DHX9: variants seen among roughly 807,000 people sequenced by gnomAD.
DHX9 encodes the protein ATP-dependent RNA helicase A.
A neutral mutation model predicts 148.7 loss-of-function variants in DHX9; 27 were observed. The observed-to-expected ratio is 0.18, with a 90% CI of 0.13 to 0.25. The LOEUF (loss-of-function observed/expected upper bound fraction) is 0.25, where lower values mean the gene tolerates loss of function less well. Among genes scored for constraint, DHX9 ranks in the 10% least tolerant of loss-of-function variants. The pLI is 1.00. For synonymous variants in DHX9, 529 were observed against 516.6 expected (o/e 1.02, Z -0.33); for missense variants, 796 against 1,559.6 (o/e 0.51, Z 8.25).
At chr1:182,885,348 C>A (rs1054734875) in intron 27 of DHX9, among the ~76,000 whole-genome samples, 1 of 151,978 alleles carries the variant, frequency 6.6e-6, no homozygotes, top group African/African-American at 2.4e-5. Flanking sequence ...TTGATACTTA[C>A]CAAAAAGGCA....
intron 3 of DHX9, among the ~76,000 whole-genome samples, chr1:182,850,488 G>C (rs796211734): frequency 6.6e-6 from 1 of 151,802 alleles, no homozygotes; most frequent in Non-Finnish European, 1.5e-5. Flanking sequence ...CCATCTACTC[G>C]AGAGGCTGAA....
intron 3 of DHX9, among the ~76,000 whole-genome samples, chr1:182,846,232 A>T (rs1668026655): frequency 6.7e-6 from 1 of 149,550 alleles, no homozygotes. Context: ...TGAAGACCAG[A>T]TGTACTTTTT....
intron 20 of DHX9, 32 bp downstream of exon 20, chr1:182,878,205 T>C (rs367960063): frequency 1.2e-6 from 2 of 1,612,292 alleles, no homozygotes; most frequent in Non-Finnish European, 1.7e-6. Context: ...TAGTAAGGGA[T>C]TTTTGTTCTG....
intron 3 of DHX9, among the ~76,000 whole-genome samples, chr1:182,844,703 T>A (rs1667996188): frequency 6.6e-6 from 1 of 152,166 alleles, no homozygotes; most frequent in African/African-American, 2.4e-5. Context: ...CCAGCTAAAT[T>A]TTGTATTTTT....
At chr1:182,847,138 A>G (rs190222266) in intron 3 of DHX9, among the ~76,000 whole-genome samples, 372 of 152,164 alleles carry the variant, frequency 2.4e-3, no homozygotes, top group Non-Finnish European at 4.5e-3. Flanking sequence ...GATTTCTTTT[A>G]TGTCATGAAG....
chr1:182,869,347 C>T (rs1648446311), intron 14 of DHX9, among the ~76,000 whole-genome samples: 4 of 152,106 alleles, frequency 2.6e-5, no homozygotes, highest in Admixed American at 2.6e-4. Context: ...CGGTCTTGTC[C>T]AGTCCTGTCT....
At chr1:182,850,408 AACATAGACCCCATCTCT>A (rs972655559) in intron 3 of DHX9, among the ~76,000 whole-genome samples, 1 of 152,112 alleles carries the variant, frequency 6.6e-6, no homozygotes, top group African/African-American at 2.4e-5. Flanking sequence ...CAGCCTCAGC[AACATAGACCCCATCTCT>A]ACAAAAATAA....
In DHX9 at chr1:182,843,383, C is replaced by G. The variant is rs367632263; in HGVS notation, c.201C>G (p.Asn67Lys). ...GCAATGCTGCCAGAGACTTTGTTAACTATTTGGTTCGAATAAATGAAATAA... is the reference window on the plus strand; with the variant it reads ...GCAATGCTGCCAGAGACTTTGTTAAGTATTTGGTTCGAATAAATGAAATAA... ...AQSNAARDFV[N>K]YLVRINEIKS... Residue 67 changes from asparagine to lysine, a missense_variant, in exon 3 of 28, where the codon AAC becomes AAG. Asn to Lys is a moderately conservative substitution (Grantham distance 94, BLOSUM62 0). Coordinates refer to ENST00000367549, the MANE Select transcript of DHX9 (RefSeq NM_001357.5). 1.2e-6 allele frequency: 2 copies of G among 1,607,648 alleles called. No individual in the cohort carries two copies. Among genetic ancestry groups the G allele is most frequent in the Non-Finnish European group, 1.7e-6 (2 of 1,177,602 alleles).
rs201950776 is a variant in DHX9, at chr1:182,855,233, TTTCTGA to T, written c.626+1056_626+1061del. On this transcript the variant is annotated intron_variant, in intron 6 of 27. Transcript: ENST00000367549. ...GATTTGTTTTCTTTCATATTTTGTC[TTTCTGA>T]ACGCATTGGGCTTGGTAGCACTTGG... Among the ~76,000 whole-genome samples, 591 of 152,368 alleles carry T rather than the reference TTTCTGA, an allele frequency of 3.9e-3. 5 individuals are homozygous for T. Among genetic ancestry groups the T allele is most frequent in the African/African-American group, 0.013 (549 of 41,586 alleles).
At chr1:182,858,309 G>A (rs2102600235) in intron 8 of DHX9, 69 bp downstream of exon 8, 1 of 1,531,280 alleles carries the variant, frequency 6.5e-7, no homozygotes, top group Non-Finnish European at 8.9e-7. Context: ...TTAGTGTTTG[G>A]CTGAAGAAGT....
chr1:182,881,500 C>T lies in DHX9; in HGVS notation c.2787-20C>T. On this transcript the variant is annotated intron_variant, in intron 23 of 27. Transcript: ENST00000367549. ...GTTCTCTGGTCTTAGAGAATGATTT[C>T]TCATGCCAATTTATTTTAGAATGGG... is the stretch of plus-strand genomic sequence containing the variant. 1 of 1,607,598 alleles carries T rather than the reference C, an allele frequency of 6.2e-7. No individual in the cohort carries two copies. Among genetic ancestry groups the T allele is most frequent in the South Asian group, 1.1e-5 (1 of 89,484 alleles).
intron 12 of DHX9, among the ~76,000 whole-genome samples, chr1:182,863,455 GGTT>G (rs1295347764): frequency 1.3e-5 from 2 of 152,016 alleles, no homozygotes; most frequent in African/African-American, 4.8e-5. Flanking sequence ...CTGTGTTCTT[GGTT>G]CTTATTTATA....
Position 182,887,382 on chromosome 1 carries a change from G to A in DHX9, c.3761G>A (p.Gly1254Glu), listed in dbSNP as rs1557982818. The change falls in exon 28 of 28, where the codon GGG (glycine) becomes GAG (glutamate). Residue 1254 changes from glycine (G) to glutamate (E), a missense_variant. Gly to Glu is a moderately conservative substitution (Grantham distance 98). Around this residue, in one of 14 missense-constraint regions of DHX9, gnomAD observed 98 missense variants for 105.5 expected, o/e 0.93. Coordinates refer to ENST00000367549, the MANE Select transcript of DHX9 (RefSeq NM_001357.5). ...SGGFQRGGGR[G>E]AYGTGYFGQG... ...GGATTCCAGCGAGGAGGTGGTAGGG[G>A]GGCCTATGGAACTGGCTACTTTGGA... is the stretch of plus-strand genomic sequence containing the variant. The A allele has an allele frequency of 1.9e-6, 3 of 1,613,942 alleles. No homozygotes were observed. Among genetic ancestry groups the A allele is most frequent in the African/African-American group, 2.7e-5 (2 of 74,918 alleles).
At chr1:182,856,037 G>C (rs890226981) in intron 6 of DHX9, among the ~76,000 whole-genome samples, 14 of 152,202 alleles carry the variant, frequency 9.2e-5, no homozygotes, top group African/African-American at 2.7e-4. Flanking sequence ...CTCTGCCTCA[G>C]GAGCCACTGA....
At chr1:182,866,397 A>G in intron 12 of DHX9, 47 bp from the exon 13 acceptor site, 2 of 1,601,162 alleles carry the variant, frequency 1.2e-6, no homozygotes, top group South Asian at 1.1e-5. Context: ...AAACAAGTAT[A>G]TCTAACTTTG....
chr1:182,839,740 C>G (rs1156628322), intron 1 of DHX9: 6 of 152,340 alleles, frequency 3.9e-5, no homozygotes, highest in Non-Finnish European at 8.8e-5. Context: ...CTCCTCTGGC[C>G]TGCGTACGCC....
intron 22 of DHX9, among the ~76,000 whole-genome samples, chr1:182,880,904 G>A (rs1305699189): frequency 1.3e-5 from 2 of 152,188 alleles, no homozygotes; most frequent in Non-Finnish European, 2.9e-5. Context: ...AGGCCAGGGT[G>A]GGAGGGTCCC....
chr1:182,878,925 G>A (rs964280438), intron 20 of DHX9, among the ~76,000 whole-genome samples: 6 of 152,214 alleles, frequency 3.9e-5, no homozygotes, highest in African/African-American at 9.6e-5. Context: ...TCTTGTTGTC[G>A]TTTTTAACCC....
chr1:182,871,035 T>C (rs1428938628), intron 14 of DHX9, among the ~76,000 whole-genome samples: 1 of 152,186 alleles, frequency 6.6e-6, no homozygotes, highest in Non-Finnish European at 1.5e-5. Flanking sequence ...AAACATGAAA[T>C]GCACTAACCT....
Sources: allele counts gnomAD v4.1 joint callset (sites outside exome capture counted in the v4.1 genomes callset), GRCh38; gene constraint gnomAD v4.1.1; regional missense constraint gnomAD v4.1.1; transcripts MANE v1.5; gene names NCBI Gene and HGNC (gene_info 2026-07-23, HGNC 2026-07-21).